The following TRAPPC8 variants were observed in gnomAD, a reference collection of about 807,000 sequenced individuals.
The protein encoded by TRAPPC8 is trafficking protein particle complex subunit 8.
In TRAPPC8, 54 loss-of-function variants were observed where a neutral mutation model predicts 174.3. That is an observed-to-expected ratio of 0.31 (90% CI 0.25 to 0.39). The LOEUF is 0.39. Among genes scored for constraint, TRAPPC8 ranks in the 10% least tolerant of loss-of-function variants. TRAPPC8 has a pLI of 1.00. For missense variants in TRAPPC8, 1,531 were observed against 1,699.1 expected, an observed-to-expected ratio of 0.90 and a Z score of 1.74; for synonymous variants, 630 against 579.9, an observed-to-expected ratio of 1.09 and a Z score of -1.24.
At chr18:31,860,063 A>G (rs920446071) in intron 19 of TRAPPC8, among the ~76,000 whole-genome samples, 1 of 152,094 alleles carries the variant, frequency 6.6e-6, no homozygotes, top group Admixed American at 6.5e-5. Flanking sequence ...TCAAATGCTC[A>G]GTTGCTGAAA....
Position 31,837,324 on chromosome 18 carries a change from T to TA in TRAPPC8, c.3983+1987dup, listed in dbSNP as rs71175796. Among the ~76,000 whole-genome samples, 1,026 of 149,936 alleles carry TA rather than the reference T, an allele frequency of 6.8e-3. 12 individuals carry two copies. Among genetic ancestry groups the TA allele is most frequent in the African/African-American group, 0.023 (955 of 40,854 alleles). On this transcript the variant is annotated intron_variant, in intron 27 of 28. Coordinates refer to ENST00000283351, the MANE Select transcript of TRAPPC8 (RefSeq NM_014939.5). ...AAACCACTTTGGAGACGTTACTATGTAAAAAAAAAAAGGCAAGCACATATG... is the reference window on the plus strand; with the variant it reads ...AAACCACTTTGGAGACGTTACTATGTAAAAAAAAAAAAGGCAAGCACATATG...
At position 31,909,044 on chromosome 18, in the gene TRAPPC8, G is replaced by A. The variant is rs1393579751; in HGVS notation, c.866-34C>T. The A allele has an allele frequency of 5.2e-6, 8 of 1,553,108 alleles. No individual in the cohort carries two copies. The Admixed American group carries it at 9.0e-5, about 17-fold the overall frequency. Reference sequence around the variant, plus strand: ...AAAGAGATTATTTCTTTTACTCTCAGAATGCAACAGAAAACAGTGCTAATA... The same window carrying A: ...AAAGAGATTATTTCTTTTACTCTCAAAATGCAACAGAAAACAGTGCTAATA... On this transcript the variant is annotated intron_variant, in intron 6 of 28. Coordinates refer to ENST00000283351, the MANE Select transcript of TRAPPC8 (RefSeq NM_014939.5).
rs746250989 is a variant in TRAPPC8, at chr18:31,857,730, A to C, written c.2998T>G (p.Ser1000Ala). The C allele has an allele frequency of 1.1e-5, 17 of 1,614,180 alleles. No individual in the cohort carries two copies. The East Asian group carries it at 1.1e-4, about 11-fold the overall frequency. ...SVCTALISSA[S>A]SVDFGIGTGS... ...GTGCCAATGCCAAAGTCTACAGAAG[A>C]AGCTGATGATATGAGTGCTGTACAC... Residue 1000 changes from serine (S) to alanine (A), a missense_variant, in exon 20 of 29, where the codon TCT becomes GCT. Coordinates refer to ENST00000283351, the MANE Select transcript of TRAPPC8 (RefSeq NM_014939.5).
intron 8 of TRAPPC8, 44 bp from the exon 9 acceptor site, chr18:31,907,654 A>C: frequency 6.8e-7 from 1 of 1,460,036 alleles, no homozygotes; most frequent in Non-Finnish European, 9.2e-7. Flanking sequence ...TTACCCCCCA[A>C]ACCATTAAAA....
At chr18:31,931,860 G>C (rs915966102) in intron 1 of TRAPPC8, among the ~76,000 whole-genome samples, 5 of 152,168 alleles carry the variant, frequency 3.3e-5, no homozygotes, top group African/African-American at 9.7e-5. Context: ...GCTGGTCCAA[G>C]GCAGCGTAAG....
At chr18:31,831,358 A>G (rs973478312) in intron 28 of TRAPPC8, among the ~76,000 whole-genome samples, 5 of 152,156 alleles carry the variant, frequency 3.3e-5, no homozygotes, top group African/African-American at 1.2e-4. Context: ...CAAGAAGAAA[A>G]CAAACATCCC....
intron 9 of TRAPPC8, among the ~76,000 whole-genome samples, chr18:31,906,304 G>GA (rs560619669): frequency 0.028 from 2,544 of 91,100 alleles, 72 homozygotes; most frequent in African/African-American, 0.085. Context: ...CTGTCTCCAG[G>GA]AAAAAAAAAA....
intron 19 of TRAPPC8, among the ~76,000 whole-genome samples, chr18:31,861,936 A>AAGGG (rs2034345532): frequency 3.1e-5 from 2 of 64,256 alleles, no homozygotes; most frequent in Non-Finnish European, 5.4e-5. Flanking sequence ...AAAAAAAAAA[A>AAGGG]GGGGGGGGGG....
chr18:31,866,676 G>T (rs1234557631), intron 18 of TRAPPC8, among the ~76,000 whole-genome samples, 173 bp downstream of exon 18: 2 of 152,158 alleles, frequency 1.3e-5, no homozygotes, highest in African/African-American at 4.8e-5. Flanking sequence ...TTTGACGCTA[G>T]AGATGATGTT....
chr18:31,867,824 A>G (rs1234339763), intron 16 of TRAPPC8, among the ~76,000 whole-genome samples: 1 of 152,106 alleles, frequency 6.6e-6, no homozygotes, highest in Non-Finnish European at 1.5e-5. Flanking sequence ...GGTTGCAGTG[A>G]GTCAAGATGG....
At chr18:31,852,244 G>C (rs1030493089) in intron 24 of TRAPPC8, among the ~76,000 whole-genome samples, 1 of 152,134 alleles carries the variant, frequency 6.6e-6, no homozygotes, top group Non-Finnish European at 1.5e-5. Context: ...AGGAGGCTGA[G>C]GGGGGAGGAT....
chr18:31,926,700 T>G (rs1045372585), intron 2 of TRAPPC8: 4 of 152,186 alleles, frequency 2.6e-5, no homozygotes, highest in Non-Finnish European at 1.5e-5. Context: ...GTGCTGGGAT[T>G]ACAGGCGTGA....
In TRAPPC8 at chr18:31,833,187, C is replaced by T. The variant is rs1038944056; in HGVS notation, c.3984-1014G>A. ...TGAAGCATCTCATTAAATTAAGTTC[C>T]AATTGCATAATTTGTAGCCCAAAGT... On this transcript the variant is annotated intron_variant, in intron 27 of 28. Coordinates refer to ENST00000283351, the MANE Select transcript of TRAPPC8 (RefSeq NM_014939.5). 1.3e-5 allele frequency: 2 copies of T among 152,184 alleles called. 1 individual carries two copies. The highest frequency in any genetic ancestry group is 4.1e-4 in the South Asian group (2 of 4,832). 9.4% of individuals were successfully genotyped at this position (152,184 alleles called of 1,614,324 possible). A position where few individuals can be genotyped will look rare whatever the true frequency, so the allele number is the denominator to read the frequency against.
intron 27 of TRAPPC8, chr18:31,833,371 C>A (rs567462646): frequency 6.6e-6 from 1 of 152,262 alleles, no homozygotes; most frequent in South Asian, 2.1e-4. Flanking sequence ...GTGAAGAGCA[C>A]CCCCATCTAC....
rs2033429931 is a variant in TRAPPC8 at position 31,846,762 on chromosome 18, A to G, written c.3791T>C (p.Ile1264Thr). 2 of 1,613,244 alleles carry G rather than the reference A, an allele frequency of 1.2e-6. No homozygotes were observed. The highest frequency in any genetic ancestry group is 4.5e-5 in the East Asian group (2 of 44,874). Residue 1264 changes from isoleucine to threonine, a missense_variant, in exon 26 of 29, where the codon ATT (isoleucine) becomes ACT (threonine). Transcript: ENST00000283351. ...GGCTTCTTTTCCTATAGTGCGAAGA[A>G]TAACATGATGTTGACCTTCCAAAAT... The part of the protein sequence containing the change: ...QLILEGQHHV[I>T]LRTIGKEAFS...
intron 13 of TRAPPC8, chr18:31,873,973 T>C (rs1359813660): frequency 5.7e-6 from 1 of 175,984 alleles, no homozygotes; most frequent in Admixed American, 5.7e-5. Flanking sequence ...ATTTTTTCCA[T>C]AAAACAATGC....
intron 26 of TRAPPC8, among the ~76,000 whole-genome samples, chr18:31,842,120 G>A (rs1315908524): frequency 6.6e-6 from 1 of 152,158 alleles, no homozygotes; most frequent in African/African-American, 2.4e-5. Flanking sequence ...AAGCATCTTG[G>A]TGTATGTATG....
chr18:31,849,439 T>TA (rs1393181341), intron 25 of TRAPPC8, 127 bp downstream of exon 25: 3 of 854,186 alleles, frequency 3.5e-6, no homozygotes, highest in Non-Finnish European at 4.8e-6. Flanking sequence ...ATGTAACTGT[T>TA]AAAGTTTCAA....
intron 24 of TRAPPC8, among the ~76,000 whole-genome samples, chr18:31,850,972 T>C (rs1256911488): frequency 6.6e-6 from 1 of 152,198 alleles, no homozygotes; most frequent in African/African-American, 2.4e-5. Context: ...GCACAGTATC[T>C]CTGAAAGTAA....
Sources: allele counts gnomAD v4.1 joint callset (sites outside exome capture counted in the v4.1 genomes callset), GRCh38; gene constraint gnomAD v4.1.1; transcripts MANE v1.5; gene names NCBI Gene and HGNC (gene_info 2026-07-23, HGNC 2026-07-21).